Variants in ARID4B observed in about 807,000 individuals in gnomAD.
ARID4B encodes AT-rich interactive domain-containing protein 4B.
Under a neutral mutation model 147.5 loss-of-function variants are expected in ARID4B, and 26 were observed. The observed-to-expected ratio is 0.18, with a 90% CI of 0.13 to 0.24. The LOEUF (loss-of-function observed/expected upper bound fraction) is 0.24. Ranked by LOEUF, ARID4B falls within the 10% of genes least tolerant of loss-of-function variation. The probability of loss-of-function intolerance (pLI) is 1.00; values close to 1 mark genes in which losing one functional copy is unlikely to be tolerated. For missense variants in ARID4B, 1,179 were observed against 1,511.5 expected, an observed-to-expected ratio of 0.78 and a Z score of 3.65; for synonymous variants, 512 against 507.9, an observed-to-expected ratio of 1.01 and a Z score of -0.11.
chr1:235,221,912 T>C (rs1667496586), intron 13 of ARID4B, among the ~76,000 whole-genome samples: 1 of 93,410 alleles, frequency 1.1e-5, no homozygotes, highest in Non-Finnish European at 2.3e-5. Context: ...TTTTTTTTTT[T>C]TTTTTTTTGG....
intron 8 of ARID4B, among the ~76,000 whole-genome samples, chr1:235,235,663 A>G (rs1668505533): frequency 6.6e-6 from 1 of 152,228 alleles, no homozygotes; most frequent in African/African-American, 2.4e-5. Context: ...ATACAGCGAT[A>G]CATTCTGAAT....
At chr1:235,262,577 T>C (rs1166848037) in intron 2 of ARID4B, among the ~76,000 whole-genome samples, 2 of 152,190 alleles carry the variant, frequency 1.3e-5, no homozygotes, top group East Asian at 3.8e-4. Flanking sequence ...TCTCTTAAAA[T>C]ATCATTTTCC....
chr1:235,174,118 C>T (rs1346294348), intron 22 of ARID4B, among the ~76,000 whole-genome samples: 1 of 151,780 alleles, frequency 6.6e-6, no homozygotes, highest in Admixed American at 6.6e-5. Flanking sequence ...CGGCTCACTG[C>T]AACCTCCACC....
intron 6 of ARID4B, 34 bp from the exon 7 acceptor site, chr1:235,246,545 A>G (rs1433570009): frequency 2.0e-6 from 3 of 1,479,720 alleles, no homozygotes; most frequent in Non-Finnish European, 2.8e-6. Flanking sequence ...TCAAAAAATT[A>G]ACACTTTGCA....
At chr1:235,175,123 T>C in intron 22 of ARID4B, 61 bp downstream of exon 22, 1 of 1,471,392 alleles carries the variant, frequency 6.8e-7, no homozygotes, top group Non-Finnish European at 9.5e-7. Flanking sequence ...AAAAACAAAA[T>C]AAAACAAAAA....
At chr1:235,262,017 A>C (rs912644513) in intron 2 of ARID4B, among the ~76,000 whole-genome samples, 1 of 152,222 alleles carries the variant, frequency 6.6e-6, no homozygotes, top group African/African-American at 2.4e-5. Flanking sequence ...ATAATAGAGA[A>C]AATGATTACA....
chr1:235,237,902 A>C (rs1326363844), intron 8 of ARID4B, among the ~76,000 whole-genome samples: 2 of 152,108 alleles, frequency 1.3e-5, no homozygotes, highest in Non-Finnish European at 2.9e-5. Context: ...TGTAATCCCA[A>C]CATTTTGGGA....
chr1:235,173,745 A>T (rs1355267681), intron 22 of ARID4B, among the ~76,000 whole-genome samples: 2 of 22,256 alleles, frequency 9.0e-5, no homozygotes, highest in Non-Finnish European at 1.5e-4. Context: ...CTCTATTTAA[A>T]AAAAAAAAAA....
chr1:235,181,820 G>A lies in ARID4B; in HGVS notation c.3099C>T (p.Val1033=), dbSNP rs373076833. 1,005 of 1,614,132 alleles carry A rather than the reference G, an allele frequency of 6.2e-4. 17 individuals carry two copies. The South Asian group carries it at 9.9e-3, about 16-fold the overall frequency. ...PPTTPESPSS[V]TVTEGSRQQS... ...GCTGCCGGCTGCCTTCTGTTACAGT[G>A]ACTGATGAAGGCGATTCAGGTGTAG... is the stretch of plus-strand genomic sequence containing the variant. The change falls in exon 20 of 24, where the codon GTC becomes GTT. Residue 1033 remains valine (V), a synonymous_variant. Coordinates refer to ENST00000264183, the MANE Select transcript of ARID4B (RefSeq NM_016374.6).
In ARID4B at chr1:235,255,267, A is replaced by AGATAGATCTATCTATCTATCTATC. The variant is rs1553304359; in HGVS notation, c.274+392_274+393insGATAGATAGATAGATAGATCTATC. Among the ~76,000 whole-genome samples, 1,249 of 137,164 alleles carry AGATAGATCTATCTATCTATCTATC rather than the reference A, an allele frequency of 9.1e-3. 25 individuals are homozygous for AGATAGATCTATCTATCTATCTATC. The highest frequency in any genetic ancestry group is 0.014 in the Non-Finnish European group (856 of 63,054). The allele number at this position is 137,164 out of a possible 152,430, so 90.0% of individuals were successfully genotyped here. On this transcript the variant is annotated intron_variant, in intron 5 of 23. Coordinates refer to ENST00000264183, the MANE Select transcript of ARID4B (RefSeq NM_016374.6). ...GATAGATAGATAGATAGATAGATAT[A>AGATAGATCTATCTATCTATCTATC]TATCTCTCTCTCTCTCTCTCTATAT...
intron 8 of ARID4B, among the ~76,000 whole-genome samples, chr1:235,235,133 T>A (rs149138653): frequency 4.4e-4 from 67 of 152,132 alleles, no homozygotes; most frequent in African/African-American, 1.6e-3. Context: ...AGATGAACAA[T>A]AAGAGGATGC....
At chr1:235,290,178 G>A (rs930577423) in intron 2 of ARID4B, among the ~76,000 whole-genome samples, 1 of 152,122 alleles carries the variant, frequency 6.6e-6, no homozygotes, top group African/African-American at 2.4e-5. Flanking sequence ...TGTATAACCT[G>A]AACGGGAAAC....
chr1:235,181,002 C>T (rs955450516), intron 20 of ARID4B: 3 of 489,974 alleles, frequency 6.1e-6, no homozygotes, highest in Non-Finnish European at 8.1e-6. Context: ...AGGTTATTAA[C>T]GTACACATTG....
intron 13 of ARID4B, among the ~76,000 whole-genome samples, chr1:235,222,678 C>CTT (rs35090143): frequency 0.013 from 1,751 of 130,708 alleles, 44 homozygotes; most frequent in African/African-American, 0.037. Context: ...GAAAAAAAAT[C>CTT]TTTTTTTTTT....
At chr1:235,317,501 C>A (rs1674522577) in intron 2 of ARID4B, among the ~76,000 whole-genome samples, 1 of 152,162 alleles carries the variant, frequency 6.6e-6, no homozygotes, top group South Asian at 2.1e-4. Flanking sequence ...CTTCTATTAA[C>A]CAGCTTAAAA....
chr1:235,280,102 T>C (rs112674764), intron 2 of ARID4B, among the ~76,000 whole-genome samples: 2 of 152,204 alleles, frequency 1.3e-5, no homozygotes, highest in Admixed American at 1.3e-4. Context: ...GCTGGAAATA[T>C]CCAACACATT....
At chr1:235,170,932 A>AAACC (rs1663307247) in intron 23 of ARID4B, among the ~76,000 whole-genome samples, 1 of 150,986 alleles carries the variant, frequency 6.6e-6, no homozygotes, top group African/African-American at 2.4e-5. Context: ...AAAAAAAAAA[A>AAACC]AACCACACAC....
intron 17 of ARID4B, among the ~76,000 whole-genome samples, chr1:235,211,328 TGGAAGGAA>T (rs1558205971): frequency 6.6e-6 from 1 of 151,620 alleles, no homozygotes; most frequent in Non-Finnish European, 1.5e-5. Flanking sequence ...TGAAACTCCG[TGGAAGGAA>T]GGAGGGAAGG....
At chr1:235,301,551 T>C (rs1673143311) in intron 2 of ARID4B, among the ~76,000 whole-genome samples, 1 of 147,242 alleles carries the variant, frequency 6.8e-6, no homozygotes, top group Non-Finnish European at 1.5e-5. Context: ...TTTTTTTTTT[T>C]TTTCTCCTTT....
Sources: gnomAD v4.1 joint callset for allele counts (sites outside exome capture counted in the v4.1 genomes callset) on GRCh38, gnomAD v4.1.1 for gene constraint, MANE v1.5 for transcripts, NCBI Gene and HGNC (gene_info 2026-07-23, HGNC 2026-07-21) for gene names.